The following FNIP2 variants were observed in gnomAD, a reference collection of about 807,000 sequenced individuals.
The protein encoded by FNIP2 is folliculin-interacting protein 2.
In FNIP2, 32 loss-of-function variants were observed where a neutral mutation model predicts 108.7. The observed-to-expected ratio is 0.29, with a 90% CI of 0.22 to 0.40. The LOEUF is 0.40. Ranked by LOEUF, FNIP2 falls within the 10% of genes least tolerant of loss-of-function variation. The probability of loss-of-function intolerance (pLI) is 1.00; values close to 1 mark genes in which losing one functional copy is unlikely to be tolerated. For missense variants in FNIP2, 1,202 were observed against 1,381.6 expected (o/e 0.87, Z 2.06); for synonymous variants, 480 against 496.7 (o/e 0.97, Z 0.45).
Position 158,892,477 on chromosome 4 carries a change from C to T in FNIP2, c.3150+831C>T, listed in dbSNP as rs186314798. 3.8e-4 allele frequency among the ~76,000 whole-genome samples: 58 copies of T among 152,164 alleles called. No homozygotes were observed. The Middle Eastern group carries it at 0.01, about 27-fold the overall frequency. ...CACTCTTAGAAAAGTATCAGTAGCT[C>T]CCCCCAGCCACTGGAATTAACATGC... On this transcript the variant is annotated intron_variant, in intron 15 of 16. Transcript: ENST00000264433.
At chr4:158,865,745 A>G (rs2126692826) in intron 12 of FNIP2, among the ~76,000 whole-genome samples, 1 of 152,304 alleles carries the variant, frequency 6.6e-6, no homozygotes, top group Admixed American at 6.5e-5. Context: ...GTTAACAGTA[A>G]TGAGCTCTTA....
chr4:158,902,956 G>A (rs543035025), intron 16 of FNIP2, among the ~76,000 whole-genome samples: 2 of 151,746 alleles, frequency 1.3e-5, no homozygotes, highest in South Asian at 2.1e-4. Context: ...CAGACCACTC[G>A]GCTCCCTGGC....
rs745968996 is a variant in FNIP2, at chr4:158,893,703, TTAA to T, written c.3151-2045_3151-2043del. On this transcript the variant is annotated intron_variant, in intron 15 of 16. Transcript: ENST00000264433. ...AGGTTGAGTTATGCTGATTTAGAGG[TTAA>T]TGTTTCCTTTTCTGTAAGAGAAGTA... is the stretch of plus-strand genomic sequence containing the variant. 9 of 1,589,018 alleles carry T rather than the reference TTAA, an allele frequency of 5.7e-6. No homozygotes were observed. The South Asian group carries it at 9.1e-5, about 16-fold the overall frequency.
chr4:158,897,255 G>A (rs951604378), intron 16 of FNIP2, among the ~76,000 whole-genome samples: 2 of 152,096 alleles, frequency 1.3e-5, no homozygotes, highest in African/African-American at 4.8e-5. Context: ...TGGGCATTTC[G>A]GTTGGTTCCA....
In FNIP2 at chr4:158,868,906, T is replaced by G; in HGVS notation, c.2270T>G (p.Val757Gly). The change falls in exon 13 of 17, where the codon GTG becomes GGG. Residue 757 changes from valine (V) to glycine (G), a missense_variant. This residue lies in a region of FNIP2 where 878 missense variants were observed against 990.3 expected (regional missense o/e 0.89). Coordinates refer to ENST00000264433, the MANE Select transcript of FNIP2 (RefSeq NM_020840.3). The surrounding 1 kb of genome is among the most constrained non-coding windows in gnomAD (Gnocchi z 4.6). ...PSLEASEAAD[V>G]AQDPQVSRSP... ...TTGGAGGCCAGTGAGGCTGCTGATG[T>G]GGCTCAGGACCCGCAGGTTTCTAGG... 1 of 1,613,994 alleles carries G rather than the reference T, an allele frequency of 6.2e-7. No individual in the cohort carries two copies. The highest frequency in any genetic ancestry group is 8.5e-7 in the Non-Finnish European group (1 of 1,179,884).
rs1168791800 is a variant in FNIP2, at chr4:158,868,414, C to A, written c.1778C>A (p.Pro593His). ...LPPTAAERHN[P>H]WPTGFPECPE... Reference sequence around the variant, plus strand: ...CCAACAGCAGCAGAGAGACACAACCCCTGGCCGACAGGGTTTCCTGAGTGC... The same window carrying A: ...CCAACAGCAGCAGAGAGACACAACCACTGGCCGACAGGGTTTCCTGAGTGC... The change falls in exon 13 of 17, where the codon CCC becomes CAC. Residue 593 changes from proline to histidine, a missense_variant. Pro to His is a moderately conservative substitution (Grantham distance 77). Coordinates refer to ENST00000264433, the MANE Select transcript of FNIP2 (RefSeq NM_020840.3). This position sits in a 1 kb window ranked among gnomAD's most constrained non-coding sequence, Gnocchi z 4.6. 1 of 1,614,020 alleles carries A rather than the reference C, an allele frequency of 6.2e-7. No homozygotes were observed. Among genetic ancestry groups the A allele is most frequent in the East Asian group, 2.2e-5 (1 of 44,882 alleles).
At chr4:158,777,600 A>G (rs908667114) in intron 1 of FNIP2, among the ~76,000 whole-genome samples, 2 of 152,186 alleles carry the variant, frequency 1.3e-5, no homozygotes, top group Non-Finnish European at 2.9e-5. Context: ...AGAATGGTAC[A>G]TTGAGTAAGT....
intron 2 of FNIP2, 80 bp downstream of exon 2, chr4:158,826,122 T>C: frequency 6.6e-7 from 1 of 1,512,210 alleles, no homozygotes; most frequent in Non-Finnish European, 8.9e-7. Flanking sequence ...TAATCTATCA[T>C]CTTCTCTTTG....
At chr4:158,900,008 A>T (rs2126798308) in intron 16 of FNIP2, among the ~76,000 whole-genome samples, 1 of 152,314 alleles carries the variant, frequency 6.6e-6, no homozygotes, top group East Asian at 1.9e-4. Context: ...CCCTCTAAAC[A>T]CTGCTTTAAA....
intron 7 of FNIP2, among the ~76,000 whole-genome samples, chr4:158,839,254 G>A (rs1578894822): frequency 1.3e-5 from 2 of 152,144 alleles, no homozygotes; most frequent in East Asian, 3.9e-4. Flanking sequence ...CCTGTGTGGA[G>A]ATATATCTCT....
chr4:158,781,350 TGTTCTTGTGAG>T (rs1351128572), intron 1 of FNIP2, among the ~76,000 whole-genome samples: 5 of 152,108 alleles, frequency 3.3e-5, no homozygotes, highest in African/African-American at 1.2e-4. Context: ...GAAATCAGAG[TGTTCTTGTGAG>T]GCAAGATACA....
intron 1 of FNIP2, among the ~76,000 whole-genome samples, chr4:158,824,476 A>G (rs1778046793): frequency 6.6e-6 from 1 of 151,972 alleles, no homozygotes; most frequent in South Asian, 2.1e-4. Flanking sequence ...TCTCCAGTCC[A>G]TTGGGAAACC....
Position 158,906,952 on chromosome 4 carries a change from T to A in FNIP2, c.*2408T>A, listed in dbSNP as rs1729896239. 6.6e-6 allele frequency: 1 copy of A among 152,022 alleles called. No homozygotes were observed. The highest frequency in any genetic ancestry group is 1.5e-5 in the Non-Finnish European group (1 of 68,004). The allele number at this position is 152,022 out of a possible 1,614,324, so 9.4% of individuals were successfully genotyped here. A position where few individuals can be genotyped will look rare whatever the true frequency, so the allele number is the denominator to read the frequency against. ...CACCTCAAGAAAAAACATAAAACAA[T>A]TTTTTTTAAAAAAGAAAAGAAATCT... On this transcript the variant is annotated 3_prime_UTR_variant, in exon 17 of 17. Coordinates refer to ENST00000264433, the MANE Select transcript of FNIP2 (RefSeq NM_020840.3).
chr4:158,817,876 T>C (rs1777663692), intron 1 of FNIP2, among the ~76,000 whole-genome samples: 1 of 152,110 alleles, frequency 6.6e-6, no homozygotes, highest in Admixed American at 6.5e-5. Flanking sequence ...GAGGAGACAC[T>C]GGATTAAGAG....
intron 1 of FNIP2, among the ~76,000 whole-genome samples, chr4:158,784,280 T>C (rs572897227): frequency 6.6e-6 from 1 of 152,342 alleles, no homozygotes; most frequent in Admixed American, 6.5e-5. Context: ...ATTCTGTTCC[T>C]TCTTCCAAAC....
intron 2 of FNIP2, among the ~76,000 whole-genome samples, chr4:158,826,682 C>T (rs1778177431): frequency 6.6e-6 from 1 of 151,984 alleles, no homozygotes; most frequent in Non-Finnish European, 1.5e-5. Context: ...TAGAGCAGCT[C>T]TTGATCCCTT....
chr4:158,904,035 A>G (rs1228367097), intron 16 of FNIP2, among the ~76,000 whole-genome samples: 1 of 152,234 alleles, frequency 6.6e-6, no homozygotes, highest in Non-Finnish European at 1.5e-5. Context: ...AATTGCTACC[A>G]TCATCGTTTT....
intron 1 of FNIP2, among the ~76,000 whole-genome samples, chr4:158,771,836 G>T (rs994493926): frequency 6.6e-6 from 1 of 152,178 alleles, no homozygotes; most frequent in Non-Finnish European, 1.5e-5. Flanking sequence ...TCTCTTCTCA[G>T]AATTGTTTTG....
chr4:158,776,905 C>T (rs950895982), intron 1 of FNIP2, among the ~76,000 whole-genome samples: 7 of 152,178 alleles, frequency 4.6e-5, no homozygotes, highest in Non-Finnish European at 8.8e-5. Context: ...TGCGTTGTGA[C>T]ATTTTAGAAA....
Sources: allele counts gnomAD v4.1 joint callset (sites outside exome capture counted in the v4.1 genomes callset), GRCh38; gene constraint gnomAD v4.1.1; regional missense constraint gnomAD v4.1.1; non-coding constraint Gnocchi (gnomAD v3.1); transcripts MANE v1.5; gene names NCBI Gene and HGNC (gene_info 2026-07-23, HGNC 2026-07-21).